Variants in DDAH1 observed in about 807,000 individuals in gnomAD.
DDAH1 encodes the protein dimethylarginine dimethylaminohydrolase 1.
DDAH1 carries 19 observed loss-of-function variants against 28.8 expected under a neutral mutation model. That is an observed-to-expected ratio of 0.66 (90% confidence interval 0.46 to 0.97). The LOEUF (loss-of-function observed/expected upper bound fraction) is 0.97. Among genes scored for constraint, DDAH1 ranks in the 50% least tolerant of loss-of-function variants. DDAH1 has a pLI of 0.00. For synonymous variants in DDAH1, 153 were observed against 154.4 expected, an observed-to-expected ratio of 0.99 and a Z score of 0.07; for missense variants, 326 against 375.9, an observed-to-expected ratio of 0.87 and a Z score of 1.10.
intron 1 of DDAH1, among the ~76,000 whole-genome samples, chr1:85,428,038 T>G (rs1653493810): frequency 6.6e-6 from 1 of 152,192 alleles, no homozygotes; most frequent in Admixed American, 6.6e-5. Flanking sequence ...GAAGCTGTGG[T>G]GTTAACCAGC....
intron 1 of DDAH1, chr1:85,404,524 ATAACAC>A (rs1652312864): frequency 7.1e-7 from 1 of 1,405,912 alleles, no homozygotes; most frequent in Non-Finnish European, 9.3e-7. Flanking sequence ...GGAGCAAATA[ATAACAC>A]TAACTGCAGC....
intron 1 of DDAH1, among the ~76,000 whole-genome samples, chr1:85,400,354 G>A (rs1180249088): frequency 6.6e-6 from 1 of 151,520 alleles, no homozygotes; most frequent in African/African-American, 2.4e-5. Flanking sequence ...ACTATGCCCA[G>A]CTTTTTTTGT....
At chr1:85,513,302 A>G (rs1344937280) in intron 1 of DDAH1, among the ~76,000 whole-genome samples, 1 of 152,248 alleles carries the variant, frequency 6.6e-6, no homozygotes, top group African/African-American at 2.4e-5. Context: ...AGCCATATGT[A>G]GAAAACTGAA....
At chr1:85,426,116 A>G (rs887358207) in intron 1 of DDAH1, among the ~76,000 whole-genome samples, 13 of 152,218 alleles carry the variant, frequency 8.5e-5, no homozygotes, top group Admixed American at 8.5e-4. Context: ...TCACAAAATG[A>G]GAGCTCAGTA....
Position 85,519,091 on chromosome 1 carries a change from T to TTC in DDAH1, c.-122-22811_-122-22810insGA, listed in dbSNP as rs1321198951. 1.8e-3 allele frequency among the ~76,000 whole-genome samples: 219 copies of TTC among 123,240 alleles called. 1 individual carries two copies. Among genetic ancestry groups the TTC allele is most frequent in the African/African-American group, 6.5e-3 (212 of 32,800 alleles). 80.9% of individuals were successfully genotyped at this position (123,240 alleles called of 152,430 possible). A position where few individuals can be genotyped will look rare whatever the true frequency, so the allele number is the denominator to read the frequency against. On this transcript the variant is annotated intron_variant, in intron 1 of 6. Coordinates refer to the DDAH1 transcript ENST00000426972. ...GAAGAAACGAGGAAAGACGGATCTT[T>TTC]TTTTTTTTTTTTTTTTTTTTGAGAC...
intron 1 of DDAH1, among the ~76,000 whole-genome samples, chr1:85,556,364 G>T (rs1013931011): frequency 6.6e-6 from 1 of 152,160 alleles, no homozygotes; most frequent in Non-Finnish European, 1.5e-5. Flanking sequence ...TAGGATTAAT[G>T]TATGAGGTAG....
rs1256742945 is a variant in DDAH1, at chr1:85,366,109, A to AC, written c.304-7263_304-7262insG. On this transcript the variant is annotated intron_variant, in intron 1 of 5. Coordinates refer to ENST00000284031, the MANE Select transcript of DDAH1 (RefSeq NM_012137.4). Reference sequence around the variant, plus strand: ...GGCTGATAGCTGGTAAAAAAAAAAAAAACAAAACAACCAACAAATCAAATG... The same window carrying AC: ...GGCTGATAGCTGGTAAAAAAAAAAAACAACAAAACAACCAACAAATCAAATG... Among the ~76,000 whole-genome samples the AC allele has an allele frequency of 9.6e-3, 1,463 of 151,804 alleles. 11 individuals carry two copies. The highest frequency in any genetic ancestry group is 0.017 in the Middle Eastern group (5 of 294).
chr1:85,473,576 G>C (rs1239152453), intron 2 of DDAH1, among the ~76,000 whole-genome samples: 1 of 152,096 alleles, frequency 6.6e-6, no homozygotes, highest in Non-Finnish European at 1.5e-5. Context: ...ACGAAGCACA[G>C]AGAAATGCCA....
At chr1:85,521,599 C>G (rs1657691354) in intron 1 of DDAH1, 1 of 979,780 alleles carries the variant, frequency 1.0e-6, no homozygotes, top group South Asian at 4.7e-5. Context: ...AATAAAACCC[C>G]AAAGACTCCA....
chr1:85,324,637 G>A lies in DDAH1; in HGVS notation c.741+103C>T, dbSNP rs1570370047. The A allele has an allele frequency of 2.4e-6, 3 of 1,258,450 alleles. No homozygotes were observed. In the East Asian group the frequency reaches 7.0e-5, roughly 29 times the overall value. The allele number at this position is 1,258,450 out of a possible 1,614,324, so 78.0% of individuals were successfully genotyped here. A position where few individuals can be genotyped will look rare whatever the true frequency, so the allele number is the denominator to read the frequency against. On this transcript the variant is annotated intron_variant, in intron 5 of 5. Coordinates refer to ENST00000284031, the MANE Select transcript of DDAH1 (RefSeq NM_012137.4). ...TTATCCTTTCTTTTCTTAATTGTTT[G>A]ATATGTATACAGGAAAAGGAGGCTC...
At chr1:85,385,856 A>C (rs1250427425) in intron 1 of DDAH1, among the ~76,000 whole-genome samples, 1 of 152,194 alleles carries the variant, frequency 6.6e-6, no homozygotes, top group Non-Finnish European at 1.5e-5. Context: ...GAAGGGCTTC[A>C]AATCACTTCT....
chr1:85,497,932 T>G (rs1656656006), intron 1 of DDAH1, among the ~76,000 whole-genome samples: 1 of 152,236 alleles, frequency 6.6e-6, no homozygotes, highest in African/African-American at 2.4e-5. Context: ...TTTCTGGTGA[T>G]GGAACTAGAA....
intron 1 of DDAH1, among the ~76,000 whole-genome samples, chr1:85,386,835 TG>T (rs1235481344): frequency 6.6e-6 from 1 of 152,172 alleles, no homozygotes; most frequent in Admixed American, 6.5e-5. Flanking sequence ...GAAATCTAGG[TG>T]GAAGCTGCCA....
intron 1 of DDAH1, among the ~76,000 whole-genome samples, chr1:85,512,806 C>A (rs1297309681): frequency 2.0e-5 from 3 of 152,056 alleles, no homozygotes; most frequent in African/African-American, 7.2e-5. Flanking sequence ...ATGTGAAGGA[C>A]CTCTTCAAGG....
intron 2 of DDAH1, among the ~76,000 whole-genome samples, chr1:85,479,298 C>T (rs566352636): frequency 6.6e-6 from 1 of 150,816 alleles, no homozygotes; most frequent in Non-Finnish European, 1.5e-5. Context: ...CTCAGCCTCC[C>T]GAGTAGCTGG....
At chr1:85,556,301 T>C (rs993290414) in intron 1 of DDAH1, among the ~76,000 whole-genome samples, 1 of 152,194 alleles carries the variant, frequency 6.6e-6, no homozygotes. Flanking sequence ...ATGCTTCTCT[T>C]CTCCTGGTGG....
chr1:85,531,172 G>T (rs1351252657), intron 1 of DDAH1, among the ~76,000 whole-genome samples: 1 of 152,126 alleles, frequency 6.6e-6, no homozygotes, highest in East Asian at 1.9e-4. Context: ...ACAGTTAACA[G>T]TTTGGGACTA....
chr1:85,324,832 C>CCA lies in DDAH1; in HGVS notation c.648_649insTG (p.Asp217TrpfsTer3). Reference sequence around the variant, plus strand: ...AGATATATACAGTTTGCTGCTATGTCATCAGGCACAGTGAGTTTGTCGTAG... The same window carrying CCA: ...AGATATATACAGTTTGCTGCTATGTCCAATCAGGCACAGTGAGTTTGTCGTAG... On this transcript the variant is annotated frameshift_variant, in exon 5 of 6. Transcript: ENST00000284031. LOFTEE classifies it high-confidence loss of function. 6.2e-7 allele frequency: 1 copy of CCA among 1,614,066 alleles called. No homozygotes were observed. Among genetic ancestry groups the CCA allele is most frequent in the Non-Finnish European group, 8.5e-7 (1 of 1,180,008 alleles).
At chr1:85,358,973 A>C (rs1649639259) in intron 1 of DDAH1, 126 bp from the exon 2 acceptor site, 1 of 582,604 alleles carries the variant, frequency 1.7e-6, no homozygotes, top group Non-Finnish European at 3.0e-6. Flanking sequence ...ACTCATATAC[A>C]CACCCATCCT....
Sources: gnomAD v4.1 joint callset for allele counts (sites outside exome capture counted in the v4.1 genomes callset) on GRCh38, gnomAD v4.1.1 for gene constraint, MANE v1.5 for transcripts, NCBI Gene and HGNC (gene_info 2026-07-23, HGNC 2026-07-21) for gene names.